Variants in ZBTB14 observed in about 807,000 individuals in gnomAD.
ZBTB14 encodes the protein zinc finger and BTB domain-containing protein 14.
Under a neutral mutation model 29.5 loss-of-function variants are expected in ZBTB14, and 8 were observed. The observed-to-expected ratio is 0.27, with a 90% CI of 0.16 to 0.49. ZBTB14 has a LOEUF of 0.49. Among genes scored for constraint, ZBTB14 ranks in the 20% least tolerant of loss-of-function variants. ZBTB14 has a pLI of 0.99. For missense variants in ZBTB14, 333 were observed against 563.8 expected (o/e 0.59, Z 4.15); for synonymous variants, 226 against 207.2 (o/e 1.09, Z -0.78).
chr18:5,295,530 C>A (rs1470163929), intron 1 of ZBTB14, 122 bp downstream of exon 1: 1 of 144,326 alleles, frequency 6.9e-6, no homozygotes, highest in East Asian at 2.1e-4. Flanking sequence ...CGAGGCTCTG[C>A]GAGCGCGCGC....
rs562774224 is a variant in ZBTB14, at chr18:5,289,546, G to T, written c.*1312C>A. ...GCATTTCAATATATTCCTAAAGATG[G>T]TTAAAAGAACATTTAGTATACCAAA... On this transcript the variant is annotated 3_prime_UTR_variant, in exon 4 of 4. Transcript: ENST00000651870. The T allele has an allele frequency of 1.8e-4, 27 of 152,226 alleles. No individual in the cohort carries two copies. The East Asian group carries it at 5.0e-3, about 28-fold the overall frequency. 9.4% of individuals were successfully genotyped at this position (152,226 alleles called of 1,614,324 possible).
In ZBTB14 at chr18:5,290,095, C is replaced by T. The variant is rs1314705687; in HGVS notation, c.*763G>A. The stretch of plus-strand genomic sequence containing the variant: ...ATTCTTCTTACCACAGGTCCACTCA[C>T]AAATCGCAGCTGGTATGGACTGGTA... On this transcript the variant is annotated 3_prime_UTR_variant, in exon 4 of 4. Transcript: ENST00000651870. 3 of 152,186 alleles carry T rather than the reference C, an allele frequency of 2.0e-5. No individual in the cohort carries two copies. The highest frequency in any genetic ancestry group is 4.4e-5 in the Non-Finnish European group (3 of 68,038). 9.4% of individuals were successfully genotyped at this position (152,186 alleles called of 1,614,324 possible).
upstream of ZBTB14, among the ~76,000 whole-genome samples, chr18:5,296,468 A>C (rs971426669): frequency 1.5e-4 from 22 of 149,066 alleles, no homozygotes; most frequent in African/African-American, 4.9e-4. Flanking sequence ...CGTGGGCCAG[A>C]GCCTCCCCCG....
At position 5,292,096 on chromosome 18, in the gene ZBTB14, T is replaced by A. The variant is rs1461888379; in HGVS notation, c.112A>T (p.Ile38Phe). The A allele has an allele frequency of 6.2e-7, 1 of 1,608,048 alleles. No individual in the cohort carries two copies. The highest frequency in any genetic ancestry group is 1.3e-5 in the African/African-American group (1 of 74,906). The stretch of plus-strand genomic sequence containing the variant: ...TTCACATCCTCAACCACAATAGCAA[T>A]ATCACAAAATTCTCCTTCCAGGCGT... Reference protein sequence around the residue: ...EQRLEGEFCDIAIVVEDVKFR... With the variant: ...EQRLEGEFCDFAIVVEDVKFR... Residue 38 changes from isoleucine to phenylalanine, a missense_variant, in exon 4 of 4, where the codon ATT (isoleucine) becomes TTT (phenylalanine). Coordinates refer to ENST00000651870, the MANE Select transcript of ZBTB14 (RefSeq NM_001243702.2).
intron 1 of ZBTB14, among the ~76,000 whole-genome samples, chr18:5,295,273 G>A (rs2071925559): frequency 6.9e-6 from 1 of 144,486 alleles, no homozygotes; most frequent in Admixed American, 6.8e-5. Context: ...GCCCTCCCCC[G>A]CCCTCCCGCG....
intron 1 of ZBTB14, among the ~76,000 whole-genome samples, chr18:5,294,482 T>G (rs771910199): frequency 1.9e-4 from 29 of 152,280 alleles, no homozygotes; most frequent in South Asian, 4.1e-4. Context: ...TTTTGGCTAG[T>G]GTGTACTTGG....
At chr18:5,293,491 G>A in intron 2 of ZBTB14, 164 bp from the exon 3 acceptor site, 2 of 514,366 alleles carry the variant, frequency 3.9e-6, no homozygotes, top group Middle Eastern at 4.8e-4. Context: ...GTGCAGTTCT[G>A]AACAGATATG....
At position 5,291,738 on chromosome 18, in the gene ZBTB14, T is replaced by C. The variant is rs1371783456; in HGVS notation, c.470A>G (p.Asp157Gly). 3 of 1,614,004 alleles carry C rather than the reference T, an allele frequency of 1.9e-6. No homozygotes were observed. The highest frequency in any genetic ancestry group is 2.7e-5 in the African/African-American group (2 of 74,918). The change falls in exon 4 of 4, where the codon GAC becomes GGC. Residue 157 changes from aspartate (D) to glycine (G), a missense_variant. Physicochemically the swap from Asp to Gly is moderately conservative, Grantham distance 94. This residue lies in a region of ZBTB14 where 126 missense variants were observed against 132.2 expected (regional missense o/e 0.95). Transcript: ENST00000651870. The surrounding 1 kb of genome is among the most constrained non-coding windows in gnomAD (Gnocchi z 5.8). ...TTCCTCTACATCATCATCCTGGGTG[T>C]CAGCAGCATCTCCAATGGGGCGATT... ...KINRPIGDAA[D>G]TQDDDVEEIG...
At position 5,293,264 on chromosome 18, in the gene ZBTB14, AT is replaced by A. The variant is rs1727952792; in HGVS notation, c.-19del. On this transcript the variant is annotated 5_prime_UTR_variant, in exon 3 of 4. The change abolishes the stop of an existing upstream ORF in the 5' untranslated region. Transcript: ENST00000651870. Reference sequence around the variant, plus strand: ...GTTACCATGAACAACTCAGGCTATTATCTTAATGCCTTGAACGCCAAAATCT... The same window carrying A: ...GTTACCATGAACAACTCAGGCTATTACTTAATGCCTTGAACGCCAAAATCT... 6.2e-7 allele frequency: 1 copy of A among 1,613,250 alleles called. No homozygotes were observed. Among genetic ancestry groups the A allele is most frequent in the Non-Finnish European group, 8.5e-7 (1 of 1,179,642 alleles).
At position 5,289,592 on chromosome 18, in the gene ZBTB14, T is replaced by G. The variant is rs1893370735; in HGVS notation, c.*1266A>C. 6.6e-6 allele frequency: 1 copy of G among 152,218 alleles called. No individual in the cohort carries two copies. The highest frequency in any genetic ancestry group is 6.5e-5 in the Admixed American group (1 of 15,286). 9.4% of individuals were successfully genotyped at this position (152,218 alleles called of 1,614,324 possible). A position where few individuals can be genotyped will look rare whatever the true frequency, so the allele number is the denominator to read the frequency against. On this transcript the variant is annotated 3_prime_UTR_variant, in exon 4 of 4. Transcript: ENST00000651870. ...CCAAAACTGGAATAGAGTTTATAAT[T>G]CTCATTTACGGCTATGAAAAGGCAA...
intron 1 of ZBTB14, among the ~76,000 whole-genome samples, chr18:5,294,499 G>C (rs893947370): frequency 2.6e-5 from 4 of 152,114 alleles, no homozygotes; most frequent in Non-Finnish European, 5.9e-5. Context: ...TTGGCCACTC[G>C]CCCCTCTCCC....
Position 5,290,514 on chromosome 18 carries a change from GC to G in ZBTB14, c.*343del, listed in dbSNP as rs1480625788. The G allele has an allele frequency of 4.2e-6, 1 of 240,952 alleles. No individual in the cohort carries two copies. The highest frequency in any genetic ancestry group is 8.0e-6 in the Non-Finnish European group (1 of 124,246). The allele number at this position is 240,952 out of a possible 1,614,324, so 14.9% of individuals were successfully genotyped here. On this transcript the variant is annotated 3_prime_UTR_variant, in exon 4 of 4. Transcript: ENST00000651870. ...ACTTATTACTCTGTGCAGGGCACTT[GC>G]TAGGGTGGTGAGTGTAAAGGAACTA...
chr18:5,296,536 C>T (rs1030938854), upstream of ZBTB14, among the ~76,000 whole-genome samples: 3 of 151,790 alleles, frequency 2.0e-5, no homozygotes, highest in African/African-American at 7.2e-5. Context: ...GGAGCGGGCG[C>T]CCCGGCCACT....
rs762375909 is a variant in ZBTB14 at position 5,291,908 on chromosome 18, C to T, written c.300G>A (p.Val100=). 1 of 1,614,112 alleles carries T rather than the reference C, an allele frequency of 6.2e-7. No homozygotes were observed. The highest frequency in any genetic ancestry group is 1.1e-5 in the South Asian group (1 of 91,080). Residue 100 remains valine, a synonymous_variant, in exon 4 of 4, where the codon GTG becomes GTA. Transcript: ENST00000651870. This position sits in a 1 kb window ranked among gnomAD's most constrained non-coding sequence, Gnocchi z 5.8. The part of the protein sequence containing the change: ...LNYMYTAKIS[V]KKEDVNLMMS... Reference sequence around the variant, plus strand: ...TCATTAAGTTAACATCTTCTTTTTTCACGGAAATCTTTGCTGTGTACATGT... The same window carrying T: ...TCATTAAGTTAACATCTTCTTTTTTTACGGAAATCTTTGCTGTGTACATGT...
At chr18:5,294,458 A>G (rs1351368209) in intron 1 of ZBTB14, among the ~76,000 whole-genome samples, 3 of 152,130 alleles carry the variant, frequency 2.0e-5, no homozygotes, top group African/African-American at 7.2e-5. Context: ...CAACATATCA[A>G]TGTGTTGTTG....
At chr18:5,293,843 C>A (rs551911240) in intron 2 of ZBTB14, 129 bp downstream of exon 2, 1 of 152,338 alleles carries the variant, frequency 6.6e-6, no homozygotes, top group South Asian at 2.1e-4. Flanking sequence ...TCTTTCTGCA[C>A]CTGTGTGATG....
Position 5,289,830 on chromosome 18 carries a change from AATTT to A in ZBTB14, c.*1024_*1027del, listed in dbSNP as rs1321568085. 2.0e-5 allele frequency: 3 copies of A among 152,726 alleles called. No homozygotes were observed. The highest frequency in any genetic ancestry group is 1.5e-5 in the Non-Finnish European group (1 of 68,030). 9.5% of individuals were successfully genotyped at this position (152,726 alleles called of 1,614,324 possible). ...CTATTTACACACTTAAAAGATTTTAAATTTATTAATTTAAGTAAGCATACTGCAT... is the reference window on the plus strand; with the variant it reads ...CTATTTACACACTTAAAAGATTTTAAATTAATTTAAGTAAGCATACTGCAT... On this transcript the variant is annotated 3_prime_UTR_variant, in exon 4 of 4. Coordinates refer to ENST00000651870, the MANE Select transcript of ZBTB14 (RefSeq NM_001243702.2).
rs1368026068 is a variant in ZBTB14 at position 5,289,522 on chromosome 18, C to T, written c.*1336G>A. 6.6e-6 allele frequency: 1 copy of T among 152,112 alleles called. No individual in the cohort carries two copies. The highest frequency in any genetic ancestry group is 1.5e-5 in the Non-Finnish European group (1 of 68,002). The allele number at this position is 152,112 out of a possible 1,614,324, so 9.4% of individuals were successfully genotyped here. On this transcript the variant is annotated 3_prime_UTR_variant, in exon 4 of 4. Transcript: ENST00000651870. ...AGAACACAATTCAAACTATTGTTGG[C>T]ATTTCAATATATTCCTAAAGATGGT...
chr18:5,289,452 C>T lies in ZBTB14; in HGVS notation c.*1406G>A, dbSNP rs2071763955. 1 of 152,102 alleles carries T rather than the reference C, an allele frequency of 6.6e-6. No homozygotes were observed. The highest frequency in any genetic ancestry group is 6.6e-5 in the Admixed American group (1 of 15,266). 9.4% of individuals were successfully genotyped at this position (152,102 alleles called of 1,614,324 possible). On this transcript the variant is annotated 3_prime_UTR_variant, in exon 4 of 4. Coordinates refer to ENST00000651870, the MANE Select transcript of ZBTB14 (RefSeq NM_001243702.2). ...AATGAGTTTGAAAAATTGACATTTT[C>T]TACAATTCTACATTTTGAAAAATAA... is the stretch of plus-strand genomic sequence containing the variant.
Sources: allele counts gnomAD v4.1 joint callset (sites outside exome capture counted in the v4.1 genomes callset), GRCh38; gene constraint gnomAD v4.1.1; regional missense constraint gnomAD v4.1.1; non-coding constraint Gnocchi (gnomAD v3.1); transcripts MANE v1.5; gene names NCBI Gene and HGNC (gene_info 2026-07-23, HGNC 2026-07-21).